Variants in DYRK3 observed in about 807,000 individuals in gnomAD.
DYRK3 encodes the protein dual specificity tyrosine phosphorylation regulated kinase 3.
DYRK3 carries 30 observed loss-of-function variants against 40.8 expected under a neutral mutation model. The observed-to-expected ratio is 0.74, with a 90% CI of 0.55 to 1.00. The LOEUF (loss-of-function observed/expected upper bound fraction) is 1.00, where lower values mean the gene tolerates loss of function less well. DYRK3 is among the 50% of genes least tolerant of loss of function. The probability of loss-of-function intolerance (pLI) is 0.00; values close to 1 mark genes in which losing one functional copy is unlikely to be tolerated. For synonymous variants in DYRK3, 272 were observed against 260.7 expected, an observed-to-expected ratio of 1.04 and a Z score of -0.42; for missense variants, 699 against 731.5, an observed-to-expected ratio of 0.96 and a Z score of 0.51.
rs1671085443 is a variant in DYRK3, at chr1:206,635,777, G to A, written c.74G>A (p.Arg25Gln). ...GGGGCCGGGCTCCCGCCCCAGCAGC[G>A]GAGGTAACGGCGCCACGGGGTAACG... ...PPGAGLPPQQ[R>Q]RLGDGVYDTF... Residue 25 changes from arginine to glutamine, a missense_variant, in exon 1 of 3, where the codon CGG (arginine) becomes CAG (glutamine). Arg to Gln is a conservative substitution (Grantham distance 43). Coordinates refer to ENST00000367109, the MANE Select transcript of DYRK3 (RefSeq NM_003582.4). 1.6e-6 allele frequency: 2 copies of A among 1,243,782 alleles called. No individual in the cohort carries two copies. The highest frequency in any genetic ancestry group is 4.2e-5 in the Admixed American group (1 of 23,766). The allele number at this position is 1,243,782 out of a possible 1,614,324, so 77.0% of individuals were successfully genotyped here.
intron 1 of DYRK3, among the ~76,000 whole-genome samples, chr1:206,636,391 G>A (rs1363923916): frequency 2.0e-5 from 3 of 152,134 alleles, no homozygotes; most frequent in Non-Finnish European, 4.4e-5. Flanking sequence ...AGGCAATTTT[G>A]CACGTTTTCT....
Position 206,647,486 on chromosome 1 carries a change from A to G in DYRK3, c.288A>G (p.Lys96=). 1 of 1,614,174 alleles carries G rather than the reference A, an allele frequency of 6.2e-7. No individual in the cohort carries two copies. Among genetic ancestry groups the G allele is most frequent in the Non-Finnish European group, 8.5e-7 (1 of 1,180,036 alleles). The change falls in exon 3 of 3, where the codon AAA becomes AAG. Residue 96 remains lysine, a synonymous_variant. Transcript: ENST00000367109. The part of the protein sequence containing the change: ...EQLFQEFGNR[K]SNTIQSDGIS... ...TGTTTCAAGAATTTGGCAACAGAAA[A>G]TCCAATACTATTCAGTCAGATGGCA...
intron 2 of DYRK3, among the ~76,000 whole-genome samples, chr1:206,646,471 T>G (rs1178896330): frequency 6.6e-6 from 1 of 152,026 alleles, no homozygotes; most frequent in African/African-American, 2.4e-5. Context: ...CTTTATCAAG[T>G]AGGCTCTTGC....
At position 206,653,877 on chromosome 1, in the gene DYRK3, G is replaced by A. The variant is rs182357368; in HGVS notation, c.*4912G>A. ...GGAGTTGGGGCAGACAGGTTAGCTG[G>A]CTAATGTCATTACAATTTAGTTTTT... On this transcript the variant is annotated 3_prime_UTR_variant, in exon 3 of 3. Coordinates refer to ENST00000367109, the MANE Select transcript of DYRK3 (RefSeq NM_003582.4). 2.0e-5 allele frequency among the ~76,000 whole-genome samples: 3 copies of A among 152,290 alleles called. No individual in the cohort carries two copies. Among genetic ancestry groups the A allele is most frequent in the African/African-American group, 7.2e-5 (3 of 41,582 alleles).
At position 206,649,172 on chromosome 1, in the gene DYRK3, T is replaced by C. The variant is rs201628362; in HGVS notation, c.*207T>C. 1.1e-5 allele frequency: 6 copies of C among 531,658 alleles called. No homozygotes were observed. In the South Asian group the frequency reaches 1.5e-4, roughly 13 times the overall value. 32.9% of individuals were successfully genotyped at this position (531,658 alleles called of 1,614,324 possible). A position where few individuals can be genotyped will look rare whatever the true frequency, so the allele number is the denominator to read the frequency against. On this transcript the variant is annotated 3_prime_UTR_variant, in exon 3 of 3. Transcript: ENST00000367109. Reference sequence around the variant, plus strand: ...TGTATTGGCCATCTGGAATATGCATTAAATGACTTTTTATAGGTCAATGCA... The same window carrying C: ...TGTATTGGCCATCTGGAATATGCATCAAATGACTTTTTATAGGTCAATGCA...
At chr1:206,641,286 A>G (rs564981969) in intron 2 of DYRK3, among the ~76,000 whole-genome samples, 1 of 152,120 alleles carries the variant, frequency 6.6e-6, no homozygotes, top group East Asian at 1.9e-4. Flanking sequence ...AAGCCCTTTC[A>G]TCGTCTTCAT....
intron 2 of DYRK3, among the ~76,000 whole-genome samples, chr1:206,640,547 A>G (rs983801033): frequency 7.9e-6 from 1 of 126,368 alleles, no homozygotes; most frequent in African/African-American, 3.0e-5. Context: ...TCTCAGCAAG[A>G]TTTTTTTTTT....
rs1671529498 is a variant in DYRK3, at chr1:206,648,388, G to A, written c.1190G>A (p.Cys397Tyr). 6.2e-7 allele frequency: 1 copy of A among 1,614,120 alleles called. No homozygotes were observed. Among genetic ancestry groups the A allele is most frequent in the Non-Finnish European group, 8.5e-7 (1 of 1,180,018 alleles). Reference sequence around the variant, plus strand: ...CCAATTGACATATGGAGTTTTGGCTGCATCCTTGCAGAACTTTTAACAGGA... The same window carrying A: ...CCAATTGACATATGGAGTTTTGGCTACATCCTTGCAGAACTTTTAACAGGA... ...STPIDIWSFG[C>Y]ILAELLTGQP... Residue 397 changes from cysteine to tyrosine, a missense_variant, in exon 3 of 3, where the codon TGC becomes TAC. Physicochemically the swap from Cys to Tyr is radical, Grantham distance 194. Transcript: ENST00000367109.
In DYRK3 at chr1:206,649,971, C is replaced by G. The variant is rs964205955; in HGVS notation, c.*1006C>G. On this transcript the variant is annotated 3_prime_UTR_variant, in exon 3 of 3. Coordinates refer to ENST00000367109, the MANE Select transcript of DYRK3 (RefSeq NM_003582.4). ...TTCACGTTAAGCTTAATGCTATTCC[C>G]TAGATCTGAGTGAACTTCAGTTAGA... is the stretch of plus-strand genomic sequence containing the variant. Among the ~76,000 whole-genome samples the G allele has an allele frequency of 2.6e-5, 4 of 152,200 alleles. No individual in the cohort carries two copies. In the East Asian group the frequency reaches 5.8e-4, roughly 22 times the overall value.
chr1:206,636,813 C>G (rs1320885779), intron 1 of DYRK3: 7 of 1,079,548 alleles, frequency 6.5e-6, no homozygotes, highest in South Asian at 1.7e-5. Flanking sequence ...AGATGAAATA[C>G]ATTATTCAGG....
At position 206,635,672 on chromosome 1, in the gene DYRK3, G is replaced by A; in HGVS notation, c.-32G>A. On this transcript the variant is annotated 5_prime_UTR_variant, in exon 1 of 3. Transcript: ENST00000367109. ...GTGGCCGACCGGACCCCCAACTGGC[G>A]CCTCTCCCCGCGCGGGGTCCCGAGC... 8.0e-7 allele frequency: 1 copy of A among 1,245,382 alleles called. No individual in the cohort carries two copies. Among genetic ancestry groups the A allele is most frequent in the Non-Finnish European group, 1.0e-6 (1 of 989,332 alleles). The allele number at this position is 1,245,382 out of a possible 1,614,324, so 77.1% of individuals were successfully genotyped here.
In DYRK3 at chr1:206,635,799, A is replaced by G. The variant is rs537082176; in HGVS notation, c.77+19A>G. On this transcript the variant is annotated intron_variant, in intron 1 of 2. Coordinates refer to ENST00000367109, the MANE Select transcript of DYRK3 (RefSeq NM_003582.4). ...AGCGGAGGTAACGGCGCCACGGGGTAACGGGCTGGAGGCGCCACAGGGAGC... is the reference window on the plus strand; with the variant it reads ...AGCGGAGGTAACGGCGCCACGGGGTGACGGGCTGGAGGCGCCACAGGGAGC... The G allele has an allele frequency of 3.0e-5, 37 of 1,242,864 alleles. 1 individual carries two copies. The highest frequency in any genetic ancestry group is 2.9e-4 in the African/African-American group (19 of 64,594). The allele number at this position is 1,242,864 out of a possible 1,614,324, so 77.0% of individuals were successfully genotyped here.
chr1:206,636,096 G>T (rs782581221), intron 1 of DYRK3: 1 of 1,474,438 alleles, frequency 6.8e-7, no homozygotes, highest in Non-Finnish European at 9.1e-7. Context: ...TTTTTGTGGG[G>T]CTTTTTATTA....
chr1:206,643,284 G>A (rs571672418), intron 2 of DYRK3, among the ~76,000 whole-genome samples: 2 of 152,132 alleles, frequency 1.3e-5, no homozygotes, highest in Non-Finnish European at 2.9e-5. Flanking sequence ...TGCAAGGAGA[G>A]AAATTTAGGC....
intron 2 of DYRK3, among the ~76,000 whole-genome samples, chr1:206,643,603 G>A (rs949127279): frequency 3.3e-5 from 5 of 152,204 alleles, no homozygotes; most frequent in African/African-American, 1.2e-4. Context: ...TTCTGTTGAA[G>A]TTCAAATATC....
Position 206,648,322 on chromosome 1 carries a change from A to C in DYRK3, c.1124A>C (p.Tyr375Ser). The change falls in exon 3 of 3, where the codon TAC becomes TCC. Residue 375 changes from tyrosine (Y) to serine (S), a missense_variant. Transcript: ENST00000367109. ...TACACATATATCCAGTCTCGGTTCT[A>C]CAGAGCTCCAGAAATCATCTTAGGA... ...KLYTYIQSRFYRAPEIILGSR... is the reference protein window; with the variant it reads ...KLYTYIQSRFSRAPEIILGSR... 6.2e-7 allele frequency: 1 copy of C among 1,614,158 alleles called. No individual in the cohort carries two copies. Among genetic ancestry groups the C allele is most frequent in the Non-Finnish European group, 8.5e-7 (1 of 1,180,026 alleles).
Position 206,654,926 on chromosome 1 carries a change from AAAAG to A in DYRK3, c.*5966_*5969del, listed in dbSNP as rs1483714497. On this transcript the variant is annotated 3_prime_UTR_variant, in exon 3 of 3. Transcript: ENST00000367109. ...CTTCTGCCACCACATGAATAGACTA[AAAAG>A]AAAGGAGAGTCCCACATCAGGCCAA... Among the ~76,000 whole-genome samples the A allele has an allele frequency of 6.6e-6, 1 of 152,166 alleles. No homozygotes were observed. The highest frequency in any genetic ancestry group is 1.5e-5 in the Non-Finnish European group (1 of 68,024).
At chr1:206,636,061 T>C in intron 1 of DYRK3, 1 of 1,534,466 alleles carries the variant, frequency 6.5e-7, no homozygotes, top group South Asian at 1.2e-5. Flanking sequence ...GGGGTATATG[T>C]TAAGGGATTA....
chr1:206,643,119 G>A (rs1288762074), intron 2 of DYRK3, among the ~76,000 whole-genome samples: 1 of 152,074 alleles, frequency 6.6e-6, no homozygotes, highest in Non-Finnish European at 1.5e-5. Flanking sequence ...AATGTGAACA[G>A]GAGAGTGGGT....
Sources: allele counts gnomAD v4.1 joint callset (sites outside exome capture counted in the v4.1 genomes callset), GRCh38; gene constraint gnomAD v4.1.1; transcripts MANE v1.5; gene names NCBI Gene and HGNC (gene_info 2026-07-23, HGNC 2026-07-21).